THRB: variants seen among roughly 807,000 people sequenced by gnomAD.
THRB encodes the protein thyroid hormone receptor beta, also known as nuclear receptor subfamily 1 group A member 2.
In THRB, 12 loss-of-function variants were observed where a neutral mutation model predicts 47.8. The observed-to-expected ratio is 0.25, with a 90% CI of 0.16 to 0.41. The LOEUF (loss-of-function observed/expected upper bound fraction) is 0.41, where lower values mean the gene tolerates loss of function less well. Among genes scored for constraint, THRB ranks in the 10% least tolerant of loss-of-function variants. The probability of loss-of-function intolerance (pLI) is 1.00; values close to 1 mark genes in which losing one functional copy is unlikely to be tolerated. For missense variants in THRB, 348 were observed against 589.2 expected, an observed-to-expected ratio of 0.59 and a Z score of 4.24; for synonymous variants, 218 against 212.2, an observed-to-expected ratio of 1.03 and a Z score of -0.24.
intron 2 of THRB, among the ~76,000 whole-genome samples, chr3:24,297,793 C>T (rs1644176922): frequency 6.6e-6 from 1 of 152,158 alleles, no homozygotes; most frequent in Non-Finnish European, 1.5e-5. Context: ...GTCACACATC[C>T]CAGACCAATT....
At chr3:24,157,769 C>T (rs1011350542) in intron 5 of THRB, among the ~76,000 whole-genome samples, 6 of 152,116 alleles carry the variant, frequency 3.9e-5, no homozygotes, top group African/African-American at 1.4e-4. Flanking sequence ...TGGTTCAAAC[C>T]AGCCTCCCGT....
At chr3:24,133,484 G>A (rs1402211943) in intron 8 of THRB, 22 bp from the exon 9 acceptor site, 1 of 1,612,248 alleles carries the variant, frequency 6.2e-7, no homozygotes, top group Non-Finnish European at 8.5e-7. Flanking sequence ...AAAAAAGAAA[G>A]ATTTAAATGA....
chr3:24,471,705 C>CTAGA (rs1471509617), intron 1 of THRB, among the ~76,000 whole-genome samples: 2 of 152,122 alleles, frequency 1.3e-5, no homozygotes, highest in Admixed American at 1.3e-4. Context: ...GCAGATCAAC[C>CTAGA]CTCTCTAGTC....
intron 6 of THRB, among the ~76,000 whole-genome samples, chr3:24,151,490 T>A (rs1241769470): frequency 6.6e-6 from 1 of 152,170 alleles, no homozygotes; most frequent in Non-Finnish European, 1.5e-5. Flanking sequence ...TAATTTAGTT[T>A]TAAATATAAG....
chr3:24,152,554 G>A, intron 5 of THRB, 64 bp from the exon 6 acceptor site: 1 of 892,816 alleles, frequency 1.1e-6, no homozygotes, highest in Non-Finnish European at 1.9e-6. Flanking sequence ...AGACACTATA[G>A]CTAAGGTTGC....
At chr3:24,363,444 A>G (rs75650447) in intron 1 of THRB, among the ~76,000 whole-genome samples, 3 of 152,154 alleles carry the variant, frequency 2.0e-5, no homozygotes, top group Non-Finnish European at 4.4e-5. Context: ...CTAAAGCCTC[A>G]GGGGAACTTG....
chr3:24,225,292 C>T (rs772669926), intron 4 of THRB, among the ~76,000 whole-genome samples: 7 of 152,106 alleles, frequency 4.6e-5, no homozygotes, highest in African/African-American at 1.7e-4. Context: ...TATCTTGGCA[C>T]GCATCCCTTC....
At chr3:24,156,317 G>T (rs986529584) in intron 5 of THRB, among the ~76,000 whole-genome samples, 1 of 152,198 alleles carries the variant, frequency 6.6e-6, no homozygotes, top group African/African-American at 2.4e-5. Context: ...TCTTTTGAGT[G>T]AATTATAACA....
intron 3 of THRB, among the ~76,000 whole-genome samples, chr3:24,287,437 G>A (rs542712350): frequency 3.9e-5 from 6 of 152,294 alleles, no homozygotes; most frequent in Admixed American, 3.3e-4. Context: ...TGTAGGCCAA[G>A]AGTGGCTTTC....
At chr3:24,182,889 T>C (rs2042085851) in intron 5 of THRB, among the ~76,000 whole-genome samples, 1 of 152,210 alleles carries the variant, frequency 6.6e-6, no homozygotes, top group Admixed American at 6.5e-5. Flanking sequence ...GTATTTCCTC[T>C]GCAGTTTCAA....
At chr3:24,413,580 T>C (rs76162598) in intron 1 of THRB, among the ~76,000 whole-genome samples, 1 of 151,866 alleles carries the variant, frequency 6.6e-6, no homozygotes, top group Non-Finnish European at 1.5e-5. Flanking sequence ...TGATTTTTTT[T>C]ATGATACTTT....
At chr3:24,160,352 G>A (rs1173427128) in intron 5 of THRB, among the ~76,000 whole-genome samples, 1 of 152,228 alleles carries the variant, frequency 6.6e-6, no homozygotes, top group Non-Finnish European at 1.5e-5. Flanking sequence ...GAGCCCTGTG[G>A]TGGTGCAGAG....
intron 1 of THRB, among the ~76,000 whole-genome samples, chr3:24,411,453 C>T (rs1329863873): frequency 6.6e-6 from 1 of 151,690 alleles, no homozygotes; most frequent in Admixed American, 6.6e-5. Context: ...ATATTTAAAT[C>T]ACATGGCAAA....
chr3:24,215,748 G>T (rs2046497844), intron 4 of THRB, among the ~76,000 whole-genome samples: 1 of 152,230 alleles, frequency 6.6e-6, no homozygotes, highest in Non-Finnish European at 1.5e-5. Flanking sequence ...CTGAGGTCTA[G>T]CCAATAGAAT....
intron 4 of THRB, among the ~76,000 whole-genome samples, chr3:24,224,772 T>C (rs2150043733): frequency 6.6e-6 from 1 of 152,346 alleles, no homozygotes; most frequent in East Asian, 1.9e-4. Context: ...AACATGTGAT[T>C]TATAAATATT....
At chr3:24,474,864 A>G (rs1018460628) in intron 1 of THRB, among the ~76,000 whole-genome samples, 1 of 152,228 alleles carries the variant, frequency 6.6e-6, no homozygotes, top group Non-Finnish European at 1.5e-5. Context: ...TGACTGCTGC[A>G]ATACTTGCTT....
chr3:24,202,879 G>T (rs749017631), intron 4 of THRB, among the ~76,000 whole-genome samples: 20 of 152,144 alleles, frequency 1.3e-4, no homozygotes, highest in Non-Finnish European at 2.9e-4. Context: ...TGAGGCAATT[G>T]GAGCCCACAG....
chr3:24,376,805 G>A (rs1175584223), intron 1 of THRB, among the ~76,000 whole-genome samples: 1 of 152,116 alleles, frequency 6.6e-6, no homozygotes. Context: ...TTTAAAGGAA[G>A]ACAATGACAT....
intron 4 of THRB, among the ~76,000 whole-genome samples, chr3:24,208,184 AC>A (rs2045608920): frequency 6.6e-6 from 1 of 151,744 alleles, no homozygotes; most frequent in South Asian, 2.1e-4. Context: ...CCATTGCTCA[AC>A]AAAAAAAAAA....
Sources: gnomAD v4.1 joint callset for allele counts (sites outside exome capture counted in the v4.1 genomes callset) on GRCh38, gnomAD v4.1.1 for gene constraint, MANE v1.5 for transcripts, NCBI Gene and HGNC (gene_info 2026-07-23, HGNC 2026-07-21) for gene names.